Variants in HEBP1 observed in about 807,000 individuals in gnomAD.
The protein encoded by HEBP1 is heme binding protein 1.
Under a neutral mutation model 20.4 loss-of-function variants are expected in HEBP1, and 13 were observed. That is an observed-to-expected ratio of 0.64 (90% CI 0.42 to 1.01). HEBP1 has a LOEUF of 1.01. Ranked by LOEUF, HEBP1 falls within the 50% of genes least tolerant of loss-of-function variation. The probability of loss-of-function intolerance (pLI) is 0.00; values close to 1 mark genes in which losing one functional copy is unlikely to be tolerated. For synonymous variants in HEBP1, 92 were observed against 90.7 expected, an observed-to-expected ratio of 1.01 and a Z score of -0.08; for missense variants, 241 against 247.3, an observed-to-expected ratio of 0.97 and a Z score of 0.17.
chr12:12,983,962 G>T, intron 3 of HEBP1: 1 of 313,152 alleles, frequency 3.2e-6, no homozygotes, highest in South Asian at 2.6e-5. Context: ...AAACCAACTT[G>T]AAGAGGCTCC....
chr12:12,985,694 A>G (rs1052189161), intron 3 of HEBP1: 45 of 152,222 alleles, frequency 3.0e-4, no homozygotes, highest in African/African-American at 1.0e-3. Flanking sequence ...CATAAATAGT[A>G]TCTTAGTAAA....
At chr12:12,984,118 G>C in intron 3 of HEBP1, 1 of 159,962 alleles carries the variant, frequency 6.3e-6, no homozygotes, top group Non-Finnish European at 1.4e-5. Context: ...GGATGTTACA[G>C]AATGAAATTA....
Position 12,996,232 on chromosome 12 carries a change from C to T in HEBP1, c.78+3805G>A, listed in dbSNP as rs770183022. On this transcript the variant is annotated intron_variant, in intron 1 of 3. Transcript: ENST00000014930. The surrounding 1 kb of genome is among the most constrained non-coding windows in gnomAD (Gnocchi z 4.1). ...GGGGAACAAGAGGTTAAGTAACATGCCCAAACTGCAGCGGGTGAATAGTGG... is the reference window on the plus strand; with the variant it reads ...GGGGAACAAGAGGTTAAGTAACATGTCCAAACTGCAGCGGGTGAATAGTGG... 2.0e-5 allele frequency among the ~76,000 whole-genome samples: 3 copies of T among 152,192 alleles called. No homozygotes were observed. The highest frequency in any genetic ancestry group is 6.5e-5 in the Admixed American group (1 of 15,284).
chr12:12,993,486 CCTCTCTCTCT>C (rs113869518), intron 1 of HEBP1, among the ~76,000 whole-genome samples: 217 of 134,902 alleles, frequency 1.6e-3, no homozygotes, highest in Middle Eastern at 3.9e-3. Context: ...TTTTTCTTTT[CCTCTCTCTCT>C]CTCTCTCTCT....
chr12:12,999,642 C>T (rs1864330175), intron 1 of HEBP1, among the ~76,000 whole-genome samples: 1 of 152,200 alleles, frequency 6.6e-6, no homozygotes, highest in East Asian at 1.9e-4. Context: ...GGCTACTATC[C>T]GCAGTTCTCT....
chr12:12,989,351 T>C lies in HEBP1; in HGVS notation c.143A>G (p.Asp48Gly), dbSNP rs747649421. 7 of 1,614,216 alleles carry C rather than the reference T, an allele frequency of 4.3e-6. No homozygotes were observed. Among genetic ancestry groups the C allele is most frequent in the Middle Eastern group, 1.6e-4 (1 of 6,062 alleles). ...GGKFATVEVTDKPVDEALREA... is the reference protein window; with the variant it reads ...GGKFATVEVTGKPVDEALREA... ...CCGTAGAGCCTCATCCACAGGCTTATCTGTCACTTCTACTGTGGCAAATTT... is the reference window on the plus strand; with the variant it reads ...CCGTAGAGCCTCATCCACAGGCTTACCTGTCACTTCTACTGTGGCAAATTT... The change falls in exon 2 of 4, where the codon GAT (aspartate) becomes GGT (glycine). Residue 48 changes from aspartate to glycine, a missense_variant. Transcript: ENST00000014930.
intron 3 of HEBP1, chr12:12,979,012 T>C (rs1383334423): frequency 1.3e-5 from 2 of 152,070 alleles, no homozygotes. Context: ...AACTTGGGAG[T>C]GCCCAGTGGG....
intron 3 of HEBP1, among the ~76,000 whole-genome samples, chr12:12,978,128 T>C (rs1454353494): frequency 6.6e-6 from 1 of 150,630 alleles, no homozygotes; most frequent in Admixed American, 6.6e-5. Context: ...TGCAGCCAGA[T>C]GCGAAGGCCT....
rs928956851 is a variant in HEBP1 at position 12,998,087 on chromosome 12, G to A, written c.78+1950C>T. Among the ~76,000 whole-genome samples, 7 of 151,976 alleles carry A rather than the reference G, an allele frequency of 4.6e-5. No individual in the cohort carries two copies. The highest frequency in any genetic ancestry group is 2.9e-5 in the Non-Finnish European group (2 of 68,010). On this transcript the variant is annotated intron_variant, in intron 1 of 3. Transcript: ENST00000014930. The surrounding 1 kb of genome is among the most constrained non-coding windows in gnomAD (Gnocchi z 4.2). The stretch of plus-strand genomic sequence containing the variant: ...GTCCAGCCTATGCACAACTATGTCA[G>A]TTTCCCTACTCAAAATCACAGCCTC...
At chr12:13,000,001 C>A in intron 1 of HEBP1, 36 bp downstream of exon 1, 3 of 1,484,716 alleles carry the variant, frequency 2.0e-6, no homozygotes, top group Non-Finnish European at 2.8e-6. Context: ...TGGGAGGCAG[C>A]AATCCTTCAG....
intron 1 of HEBP1, among the ~76,000 whole-genome samples, 189 bp downstream of exon 1, chr12:12,999,848 G>A (rs1475777193): frequency 1.3e-5 from 2 of 152,210 alleles, no homozygotes; most frequent in Admixed American, 6.5e-5. Context: ...GCTGCAGGGG[G>A]ACCTCTCACT....
In HEBP1 at chr12:12,996,173, G is replaced by A. The variant is rs79673605; in HGVS notation, c.78+3864C>T. On this transcript the variant is annotated intron_variant, in intron 1 of 3. Transcript: ENST00000014930. This position sits in a 1 kb window ranked among gnomAD's most constrained non-coding sequence, Gnocchi z 4.1. ...ATTTCTCCAATAACCCTGTGAAGAA[G>A]TTAGGGCTTTAATCTTCATTTTCAG... is the stretch of plus-strand genomic sequence containing the variant. 6.6e-6 allele frequency among the ~76,000 whole-genome samples: 1 copy of A among 152,236 alleles called. No individual in the cohort carries two copies. The highest frequency in any genetic ancestry group is 1.5e-5 in the Non-Finnish European group (1 of 68,048).
At chr12:12,983,446 A>T (rs1255763861) in intron 3 of HEBP1, 3 of 297,720 alleles carry the variant, frequency 1.0e-5, no homozygotes, top group Non-Finnish European at 2.0e-5. Flanking sequence ...AGACTGAATG[A>T]AGGACGCCAG....
At chr12:12,993,675 CA>C (rs1864256843) in intron 1 of HEBP1, among the ~76,000 whole-genome samples, 1 of 152,028 alleles carries the variant, frequency 6.6e-6, no homozygotes. Flanking sequence ...ATGGGAAGAC[CA>C]AAAACAAGAT....
In HEBP1 at chr12:12,995,467, A is replaced by G. The variant is rs139865347; in HGVS notation, c.78+4570T>C. Reference sequence around the variant, plus strand: ...TTACTCTAATGACAAGGAATACAAGAGCCATAATAGATGGGCAGAGAGATG... The same window carrying G: ...TTACTCTAATGACAAGGAATACAAGGGCCATAATAGATGGGCAGAGAGATG... On this transcript the variant is annotated intron_variant, in intron 1 of 3. Transcript: ENST00000014930. Among the ~76,000 whole-genome samples the G allele has an allele frequency of 7.3e-3, 1,118 of 152,316 alleles. 10 individuals carry two copies. The highest frequency in any genetic ancestry group is 0.021 in the South Asian group (101 of 4,830).
intron 1 of HEBP1, among the ~76,000 whole-genome samples, chr12:12,995,557 T>C (rs850942): frequency 0.69 from 105,483 of 152,104 alleles, 39,809 homozygotes; most frequent in East Asian, 0.97. Context: ...CCAGTTCTAG[T>C]GCAGGGATCA....
intron 1 of HEBP1, among the ~76,000 whole-genome samples, chr12:12,993,422 T>A (rs901598488): frequency 6.6e-6 from 1 of 152,000 alleles, no homozygotes; most frequent in Non-Finnish European, 1.5e-5. Context: ...CTCAAACTTC[T>A]GAGCTCATGC....
rs199848802 is a variant in HEBP1 at position 12,975,429 on chromosome 12, C to T, written c.449G>A (p.Arg150His). Reference sequence around the variant, plus strand: ...TGTGCCCTCCAGGGCAGCACGCAGACGGGTGGCTTGTGCTACGTAGTCTGC... The same window carrying T: ...TGTGCCCTCCAGGGCAGCACGCAGATGGGTGGCTTGTGCTACGTAGTCTGC... ...KEADYVAQATRLRAALEGTAT... is the reference protein window; with the variant it reads ...KEADYVAQATHLRAALEGTAT... Residue 150 changes from arginine to histidine, a missense_variant, in exon 4 of 4, where the codon CGT becomes CAT. By Grantham distance (29) the Arg-to-His change is conservative (BLOSUM62 0). Coordinates refer to ENST00000014930, the MANE Select transcript of HEBP1 (RefSeq NM_015987.5). The T allele has an allele frequency of 4.0e-5, 64 of 1,612,464 alleles. No individual in the cohort carries two copies. Among genetic ancestry groups the T allele is most frequent in the Middle Eastern group, 3.3e-4 (2 of 6,054 alleles).
At chr12:12,976,866 G>T (rs1008044594) in intron 3 of HEBP1, among the ~76,000 whole-genome samples, 1 of 152,220 alleles carries the variant, frequency 6.6e-6, no homozygotes, top group Non-Finnish European at 1.5e-5. Flanking sequence ...ATCCAGGAAA[G>T]ACTTTTTTCA....
Sources: allele counts gnomAD v4.1 joint callset (sites outside exome capture counted in the v4.1 genomes callset), GRCh38; gene constraint gnomAD v4.1.1; non-coding constraint Gnocchi (gnomAD v3.1); transcripts MANE v1.5; gene names NCBI Gene and HGNC (gene_info 2026-07-23, HGNC 2026-07-21).